BRMS1L: variants seen among roughly 807,000 people sequenced by gnomAD.
BRMS1L encodes the protein breast cancer metastasis-suppressor 1-like protein.
In BRMS1L, 23 loss-of-function variants were observed where a neutral mutation model predicts 50.3. That is an observed-to-expected ratio of 0.46 (90% CI 0.33 to 0.65). BRMS1L has a LOEUF of 0.65. Among genes scored for constraint, BRMS1L ranks in the 30% least tolerant of loss-of-function variants. The pLI, the probability that BRMS1L is intolerant of heterozygous loss-of-function variation, is 0.02. For synonymous variants in BRMS1L, 114 were observed against 126.9 expected (o/e 0.90, Z 0.69); for missense variants, 286 against 386.1 (o/e 0.74, Z 2.17).
rs145859126 is a variant in BRMS1L, at chr14:35,837,187, G to A, written c.441+2264G>A. Among the ~76,000 whole-genome samples the A allele has an allele frequency of 8.8e-3, 1,337 of 152,032 alleles. 15 individuals are homozygous for A. Among genetic ancestry groups the A allele is most frequent in the African/African-American group, 0.031 (1,280 of 41,472 alleles). ...GGAGAATTGCTTGAACCCAGGAGGC[G>A]GGGGTTGCAGTGAGCTGAGATCGTG... On this transcript the variant is annotated intron_variant, in intron 4 of 9. Transcript: ENST00000216807.
intron 4 of BRMS1L, among the ~76,000 whole-genome samples, chr14:35,858,144 C>T (rs559149086): frequency 6.6e-5 from 10 of 152,234 alleles, no homozygotes; most frequent in African/African-American, 2.2e-4. Flanking sequence ...CTGATGACTT[C>T]TAGAATGACC....
At position 35,863,882 on chromosome 14, in the gene BRMS1L, A is replaced by G. The variant is rs749572913; in HGVS notation, c.551A>G (p.Asp184Gly). 17 of 1,613,986 alleles carry G rather than the reference A, an allele frequency of 1.1e-5. No individual in the cohort carries two copies. The South Asian group carries it at 1.9e-4, about 18-fold the overall frequency. ...SIDITSELWN[D>G]ELQSRKKRKD... Reference sequence around the variant, plus strand: ...ATTTACCTGCCAGAGCTGTGGAATGATGAGCTTCAGTCAAGAAAAAAGAGG... The same window carrying G: ...ATTTACCTGCCAGAGCTGTGGAATGGTGAGCTTCAGTCAAGAAAAAAGAGG... Residue 184 changes from aspartate (D) to glycine (G), a missense_variant, in exon 6 of 10, where the codon GAT (aspartate) becomes GGT (glycine). Around this residue, in one of 5 missense-constraint regions of BRMS1L, gnomAD observed 160 missense variants for 240.6 expected, o/e 0.66. Transcript: ENST00000216807.
intron 4 of BRMS1L, among the ~76,000 whole-genome samples, chr14:35,844,584 T>C (rs2078109381): frequency 6.6e-6 from 1 of 152,200 alleles, no homozygotes; most frequent in Admixed American, 6.5e-5. Context: ...ATCACCCGCC[T>C]TCTGCGTTGA....
chr14:35,828,029 A>G (rs1197117525), intron 1 of BRMS1L, among the ~76,000 whole-genome samples: 2 of 152,220 alleles, frequency 1.3e-5, no homozygotes, highest in East Asian at 1.9e-4. Context: ...AGCACAAAAC[A>G]GGATTGATGA....
intron 4 of BRMS1L, among the ~76,000 whole-genome samples, chr14:35,848,809 G>T (rs914623097): frequency 6.6e-5 from 10 of 152,090 alleles, no homozygotes; most frequent in Non-Finnish European, 1.5e-4. Context: ...AGGCTGAATA[G>T]CATTCTGTTG....
At chr14:35,826,684 G>A (rs773706992) in intron 1 of BRMS1L, 26 bp downstream of exon 1, 3 of 1,605,540 alleles carry the variant, frequency 1.9e-6, no homozygotes, top group Non-Finnish European at 2.5e-6. Flanking sequence ...CTGGGACCCT[G>A]AGTCCCCGCG....
Position 35,864,981 on chromosome 14 carries a change from C to T in BRMS1L, c.669C>T (p.Asp223=), listed in dbSNP as rs762483922. Residue 223 remains aspartate, a synonymous_variant, in exon 7 of 10, where the codon GAC becomes GAT. Coordinates refer to ENST00000216807, the MANE Select transcript of BRMS1L (RefSeq NM_032352.4). ...YMLQDLDILE[D]WTTIRKAMAT... ...TACAAGATCTTGATATTCTTGAAGA[C>T]TGGACAACAATTAGGAAGGTATGAT... 7.0e-6 allele frequency: 11 copies of T among 1,578,798 alleles called. No homozygotes were observed. Among genetic ancestry groups the T allele is most frequent in the South Asian group, 5.9e-5 (5 of 84,602 alleles).
intron 7 of BRMS1L, 56 bp downstream of exon 7, chr14:35,865,055 T>C (rs1024365205): frequency 7.7e-7 from 1 of 1,300,812 alleles, no homozygotes; most frequent in African/African-American, 1.5e-5. Context: ...CTTTTTAAGA[T>C]TCTATGTTTT....
At chr14:35,857,250 A>T (rs181093372) in intron 4 of BRMS1L, among the ~76,000 whole-genome samples, 11,976 of 147,048 alleles carry the variant, frequency 0.081, 1,050 homozygotes, top group African/African-American at 0.22. Flanking sequence ...CAAAAAAAAA[A>T]ATATATATAT....
intron 2 of BRMS1L, among the ~76,000 whole-genome samples, 170 bp from the exon 3 acceptor site, chr14:35,832,808 G>A (rs981147011): frequency 6.6e-6 from 1 of 152,142 alleles, no homozygotes; most frequent in Admixed American, 6.5e-5. Flanking sequence ...GTGATTATGT[G>A]CATAAAGTCA....
Position 35,871,226 on chromosome 14 carries a change from A to G in BRMS1L, c.*749A>G, listed in dbSNP as rs1424447764. The G allele has an allele frequency of 6.6e-6, 1 of 152,562 alleles. No individual in the cohort carries two copies. Among genetic ancestry groups the G allele is most frequent in the African/African-American group, 2.4e-5 (1 of 41,430 alleles). The allele number at this position is 152,562 out of a possible 1,614,324, so 9.5% of individuals were successfully genotyped here. ...CAGGTATTTATACCTGGTATTTATG[A>G]TGCAGTATATAAGTGGTGAACAATA... On this transcript the variant is annotated 3_prime_UTR_variant, in exon 10 of 10. Coordinates refer to ENST00000216807, the MANE Select transcript of BRMS1L (RefSeq NM_032352.4).
chr14:35,867,308 G>A (rs1261442633), intron 8 of BRMS1L, among the ~76,000 whole-genome samples: 1 of 152,178 alleles, frequency 6.6e-6, no homozygotes, highest in East Asian at 1.9e-4. Context: ...GGGTAGAGTA[G>A]TTAGGGAAGA....
chr14:35,861,888 G>C (rs1185554246), intron 4 of BRMS1L, among the ~76,000 whole-genome samples: 1 of 152,026 alleles, frequency 6.6e-6, no homozygotes, highest in Admixed American at 6.5e-5. Context: ...TTGTGTAATT[G>C]ATCTTTATAT....
At chr14:35,842,787 C>T (rs894476822) in intron 4 of BRMS1L, among the ~76,000 whole-genome samples, 1 of 152,176 alleles carries the variant, frequency 6.6e-6, no homozygotes, top group Non-Finnish European at 1.5e-5. Context: ...ACCTTGGTTC[C>T]ATTCTCCCTG....
chr14:35,869,656 G>A (rs1479113106), intron 9 of BRMS1L, among the ~76,000 whole-genome samples: 2 of 152,020 alleles, frequency 1.3e-5, no homozygotes, highest in African/African-American at 2.4e-5. Flanking sequence ...GACCAGCCTG[G>A]CCAATATTGT....
chr14:35,864,264 CTTTT>C (rs1478985136), intron 6 of BRMS1L, among the ~76,000 whole-genome samples: 2 of 151,440 alleles, frequency 1.3e-5, no homozygotes, highest in African/African-American at 4.9e-5. Flanking sequence ...CTCATGTGTA[CTTTT>C]TTTTTCTTTT....
At chr14:35,847,198 C>A (rs985424816) in intron 4 of BRMS1L, among the ~76,000 whole-genome samples, 3 of 152,210 alleles carry the variant, frequency 2.0e-5, no homozygotes, top group African/African-American at 7.2e-5. Context: ...TGGCTGGTCT[C>A]GAACTCCTGG....
In BRMS1L at chr14:35,836,865, T is replaced by C. The variant is rs138839490; in HGVS notation, c.441+1942T>C. On this transcript the variant is annotated intron_variant, in intron 4 of 9. Coordinates refer to ENST00000216807, the MANE Select transcript of BRMS1L (RefSeq NM_032352.4). ...ATTTTCACGATATCGATTCTTCCTA[T>C]CCATGAGCATGGAATGTTTTTCCAT... Among the ~76,000 whole-genome samples the C allele has an allele frequency of 1.8e-4, 27 of 151,976 alleles. No individual in the cohort carries two copies. In the East Asian group the frequency reaches 4.7e-3, roughly 26 times the overall value.
intron 4 of BRMS1L, among the ~76,000 whole-genome samples, chr14:35,837,049 G>C (rs2078003948): frequency 6.6e-6 from 1 of 151,574 alleles, no homozygotes; most frequent in African/African-American, 2.4e-5. Context: ...TTTGTCAGGA[G>C]TTCAAGACCA....
Sources: allele counts gnomAD v4.1 joint callset (sites outside exome capture counted in the v4.1 genomes callset), GRCh38; gene constraint gnomAD v4.1.1; regional missense constraint gnomAD v4.1.1; transcripts MANE v1.5; gene names NCBI Gene and HGNC (gene_info 2026-07-23, HGNC 2026-07-21).